OXCT1: variants seen among roughly 807,000 people sequenced by gnomAD.
OXCT1 encodes the protein 3-oxoacid CoA-transferase 1, also known as succinyl-CoA:3-ketoacid coenzyme A transferase 1, mitochondrial.
A neutral mutation model predicts 69.6 loss-of-function variants in OXCT1; 27 were observed. The ratio of observed to expected loss-of-function variants is 0.39; its 90% CI spans 0.29 to 0.54. The LOEUF is 0.54. OXCT1 is among the 20% of genes least tolerant of loss of function. OXCT1 has a pLI of 0.72. For missense variants in OXCT1, 437 were observed against 650.2 expected (o/e 0.67, Z 3.57); for synonymous variants, 202 against 217.8 (o/e 0.93, Z 0.64).
rs17847291 is a variant in OXCT1, at chr5:41,730,585, C to A, written c.*1144G>T. The A allele has an allele frequency of 2.6e-5, 4 of 152,288 alleles. No individual in the cohort carries two copies. The South Asian group carries it at 8.3e-4, about 32-fold the overall frequency. The allele number at this position is 152,288 out of a possible 1,614,324, so 9.4% of individuals were successfully genotyped here. A position where few individuals can be genotyped will look rare whatever the true frequency, so the allele number is the denominator to read the frequency against. Reference sequence around the variant, plus strand: ...CTAGACTTTTTACCCATCTATTATCCGGGATGCTTCTGAAGTCATTCCCAT... The same window carrying A: ...CTAGACTTTTTACCCATCTATTATCAGGGATGCTTCTGAAGTCATTCCCAT... On this transcript the variant is annotated 3_prime_UTR_variant, in exon 17 of 17. Coordinates refer to ENST00000196371, the MANE Select transcript of OXCT1 (RefSeq NM_000436.4).
chr5:41,795,319 G>A (rs13357640), intron 11 of OXCT1, among the ~76,000 whole-genome samples: 1,756 of 152,246 alleles, frequency 0.012, 36 homozygotes, highest in African/African-American at 0.04. Flanking sequence ...GCCATGGACC[G>A]GTACTGGTCC....
At chr5:41,752,264 G>A (rs1184434364) in intron 14 of OXCT1, among the ~76,000 whole-genome samples, 2 of 152,040 alleles carry the variant, frequency 1.3e-5, no homozygotes, top group Non-Finnish European at 2.9e-5. Context: ...CTTATCCTTT[G>A]CTTTATCCTC....
In OXCT1 at chr5:41,762,137, C is replaced by A; in HGVS notation, c.1312G>T (p.Val438Leu). 1.2e-6 allele frequency: 2 copies of A among 1,612,822 alleles called. No homozygotes were observed. Among genetic ancestry groups the A allele is most frequent in the Non-Finnish European group, 1.7e-6 (2 of 1,179,018 alleles). Residue 438 changes from valine to leucine, a missense_variant, in exon 14 of 17, where the codon GTG becomes TTG. By Grantham distance (32) the Val-to-Leu change is conservative. Transcript: ENST00000196371. The surrounding 1 kb of genome is among the most constrained non-coding windows in gnomAD (Gnocchi z 4.0). Reference protein sequence around the residue: ...DLVSSAKTKVVVTMEHSAKGN... With the variant: ...DLVSSAKTKVLVTMEHSAKGN... Reference sequence around the variant, plus strand: ...TTTGCAGAATGCTCCATGGTGACCACCACTTTGGTTTTCGCACTGGACACT... The same window carrying A: ...TTTGCAGAATGCTCCATGGTGACCAACACTTTGGTTTTCGCACTGGACACT...
chr5:41,869,588 G>A (rs1309060900), intron 1 of OXCT1, among the ~76,000 whole-genome samples: 1 of 152,178 alleles, frequency 6.6e-6, no homozygotes, highest in African/African-American at 2.4e-5. Context: ...GGATACGAGG[G>A]GCCTCGAGAG....
chr5:41,831,926 G>A (rs1019646692), intron 7 of OXCT1, among the ~76,000 whole-genome samples: 5 of 152,186 alleles, frequency 3.3e-5, no homozygotes, highest in African/African-American at 1.2e-4. Flanking sequence ...CAGGATGGCA[G>A]ACATACCCAT....
At chr5:41,745,757 G>A (rs1579645524) in intron 15 of OXCT1, among the ~76,000 whole-genome samples, 2 of 152,238 alleles carry the variant, frequency 1.3e-5, no homozygotes, top group South Asian at 4.2e-4. Context: ...TACCATCAGA[G>A]AATACTATAA....
chr5:41,748,622 T>A (rs1206772077), intron 15 of OXCT1, among the ~76,000 whole-genome samples: 1 of 151,936 alleles, frequency 6.6e-6, no homozygotes, highest in Non-Finnish European at 1.5e-5. Context: ...GGGGAAGGCA[T>A]CATTTAGGAC....
intron 3 of OXCT1, among the ~76,000 whole-genome samples, chr5:41,855,934 A>G (rs1356389385): frequency 6.6e-6 from 1 of 152,176 alleles, no homozygotes; most frequent in African/African-American, 2.4e-5. Flanking sequence ...GGAGGTGTAG[A>G]GAAAAACAGA....
chr5:41,737,650 G>A (rs182338387), intron 16 of OXCT1, among the ~76,000 whole-genome samples: 53 of 152,342 alleles, frequency 3.5e-4, no homozygotes, highest in African/African-American at 1.2e-3. Context: ...ATTACTGGGA[G>A]ACTTCTTTTT....
At chr5:41,781,560 G>T (rs1319807259) in intron 13 of OXCT1, among the ~76,000 whole-genome samples, 2 of 151,944 alleles carry the variant, frequency 1.3e-5, no homozygotes, top group East Asian at 3.9e-4. Flanking sequence ...CATCACCTAG[G>T]TATTAAGCCC....
intron 14 of OXCT1, among the ~76,000 whole-genome samples, chr5:41,755,674 A>C (rs1744034813): frequency 1.3e-5 from 2 of 152,112 alleles, no homozygotes; most frequent in South Asian, 4.1e-4. Flanking sequence ...TCTTCTCCAC[A>C]AAAAGTGAAG....
chr5:41,819,423 T>C (rs1317092884), intron 7 of OXCT1, among the ~76,000 whole-genome samples: 1 of 151,880 alleles, frequency 6.6e-6, no homozygotes, highest in Non-Finnish European at 1.5e-5. Context: ...CAGGCTGGAG[T>C]GCAGCAGCAG....
intron 14 of OXCT1, among the ~76,000 whole-genome samples, chr5:41,759,151 C>CT (rs1397165839): frequency 6.7e-6 from 1 of 149,842 alleles, no homozygotes; most frequent in Non-Finnish European, 1.5e-5. Context: ...GACGCTGGTG[C>CT]AGAGGTAGCT....
chr5:41,757,354 A>G (rs1744129030), intron 14 of OXCT1, among the ~76,000 whole-genome samples: 1 of 151,966 alleles, frequency 6.6e-6, no homozygotes, highest in African/African-American at 2.4e-5. Flanking sequence ...TACTCCATAC[A>G]TCCCATGGGA....
Position 41,731,594 on chromosome 5 carries a change from G to A in OXCT1, c.*135C>T. The A allele has an allele frequency of 7.9e-7, 1 of 1,269,512 alleles. No homozygotes were observed. The highest frequency in any genetic ancestry group is 2.6e-5 in the East Asian group (1 of 38,890). 78.6% of individuals were successfully genotyped at this position (1,269,512 alleles called of 1,614,324 possible). On this transcript the variant is annotated 3_prime_UTR_variant, in exon 17 of 17. Transcript: ENST00000196371. ...TGCCTAGAGAACAGTTTATATGGCT[G>A]CATAAAGTCTGAAACACAAGAAAAC...
At chr5:41,865,965 T>C (rs867217787) in intron 1 of OXCT1, among the ~76,000 whole-genome samples, 5 of 151,532 alleles carry the variant, frequency 3.3e-5, no homozygotes, top group Non-Finnish European at 7.4e-5. Flanking sequence ...TATATATTTA[T>C]GCAGGTAACA....
intron 16 of OXCT1, among the ~76,000 whole-genome samples, chr5:41,738,170 C>T (rs1188502797): frequency 6.6e-6 from 1 of 152,104 alleles, no homozygotes; most frequent in African/African-American, 2.4e-5. Flanking sequence ...TTAGTTTCTC[C>T]AAGATGTGTA....
intron 7 of OXCT1, among the ~76,000 whole-genome samples, chr5:41,829,462 G>A (rs1300723767): frequency 3.3e-5 from 5 of 151,996 alleles, no homozygotes; most frequent in Non-Finnish European, 5.9e-5. Context: ...TGAGGATAAT[G>A]GCATACAAAT....
intron 7 of OXCT1, among the ~76,000 whole-genome samples, chr5:41,826,131 TCA>T (rs1747798072): frequency 6.6e-6 from 1 of 152,210 alleles, no homozygotes; most frequent in East Asian, 1.9e-4. Flanking sequence ...TCAAGAGTCA[TCA>T]CAGTTTTTGC....
Sources: gnomAD v4.1 joint callset for allele counts (sites outside exome capture counted in the v4.1 genomes callset) on GRCh38, gnomAD v4.1.1 for gene constraint, Gnocchi (gnomAD v3.1) non-coding constraint, MANE v1.5 for transcripts, NCBI Gene and HGNC (gene_info 2026-07-23, HGNC 2026-07-21) for gene names.